ME3: variants seen among roughly 807,000 people sequenced by gnomAD.
ME3 encodes the protein NADP-dependent malic enzyme, mitochondrial.
A neutral mutation model predicts 68.9 loss-of-function variants in ME3; 48 were observed. The observed-to-expected ratio is 0.70, with a 90% CI of 0.55 to 0.89. The LOEUF is 0.89. ME3 is among the 40% of genes least tolerant of loss of function. ME3 has a pLI of 0.00. For synonymous variants in ME3, 320 were observed against 318.8 expected, an observed-to-expected ratio of 1.00 and a Z score of -0.04; for missense variants, 675 against 797.4, an observed-to-expected ratio of 0.85 and a Z score of 1.85.
At chr11:86,654,117 CAAA>C (rs1203402913) in intron 2 of ME3, among the ~76,000 whole-genome samples, 1 of 151,668 alleles carries the variant, frequency 6.6e-6, no homozygotes, top group Non-Finnish European at 1.5e-5. Context: ...GCTTACCAAC[CAAA>C]AAAAATCCAG....
At chr11:86,447,875 AG>A (rs1466998121) in intron 11 of ME3, among the ~76,000 whole-genome samples, 8 of 140,434 alleles carry the variant, frequency 5.7e-5, no homozygotes, top group African/African-American at 1.8e-4. Flanking sequence ...AAAAAAAAAA[AG>A]ACAGAGAGAA....
intron 2 of ME3, among the ~76,000 whole-genome samples, chr11:86,595,383 A>G (rs1318446814): frequency 7.0e-6 from 1 of 143,032 alleles, no homozygotes; most frequent in Non-Finnish European, 1.5e-5. Context: ...TGTAACCATA[A>G]TTGACTTATA....
intron 4 of ME3, among the ~76,000 whole-genome samples, chr11:86,539,932 A>G (rs1301993600): frequency 6.6e-6 from 1 of 152,228 alleles, no homozygotes; most frequent in Non-Finnish European, 1.5e-5. Flanking sequence ...AATGCTGACA[A>G]CACCTCACTA....
intron 2 of ME3, among the ~76,000 whole-genome samples, chr11:86,651,376 G>T (rs188906781): frequency 0.039 from 5,942 of 152,268 alleles, 148 homozygotes; most frequent in Non-Finnish European, 0.059. Flanking sequence ...CACATGGCCG[G>T]GTACTCCTCT....
At chr11:86,539,449 G>A (rs139173695) in intron 4 of ME3, among the ~76,000 whole-genome samples, 1 of 152,238 alleles carries the variant, frequency 6.6e-6, no homozygotes, top group Non-Finnish European at 1.5e-5. Context: ...ATTGTTCTCA[G>A]TTGAGCTGTA....
Position 86,671,642 on chromosome 11 carries a change from A to G in ME3, c.183+120T>C, listed in dbSNP as rs961548300. The G allele has an allele frequency of 4.3e-5, 56 of 1,293,056 alleles. No individual in the cohort carries two copies. In the Admixed American group the frequency reaches 1.3e-3, roughly 30 times the overall value. 80.1% of individuals were successfully genotyped at this position (1,293,056 alleles called of 1,614,324 possible). A position where few individuals can be genotyped will look rare whatever the true frequency, so the allele number is the denominator to read the frequency against. On this transcript the variant is annotated intron_variant, in intron 2 of 14. Transcript: ENST00000543262. Reference sequence around the variant, plus strand: ...GTCACAACAAGCCCCTGCAAGGCAAAAACAGAAAAACCGCTGGAAGGGCGC... The same window carrying G: ...GTCACAACAAGCCCCTGCAAGGCAAGAACAGAAAAACCGCTGGAAGGGCGC...
Position 86,467,975 on chromosome 11 carries a change from C to T in ME3, c.810-2775G>A, listed in dbSNP as rs550022521. On this transcript the variant is annotated intron_variant, in intron 7 of 14. Coordinates refer to ENST00000543262, the Ensembl canonical transcript of ME3. ...CTGGATTCATAGTTCCTAGAACTCA[C>T]CGGATTTAAGGAACCCCAGAACTCC... is the stretch of plus-strand genomic sequence containing the variant. Among the ~76,000 whole-genome samples, 22 of 152,240 alleles carry T rather than the reference C, an allele frequency of 1.4e-4. No individual in the cohort carries two copies. The South Asian group carries it at 4.6e-3, about 32-fold the overall frequency.
chr11:86,479,159 TTC>T (rs1171801712), intron 7 of ME3, among the ~76,000 whole-genome samples: 2 of 152,104 alleles, frequency 1.3e-5, no homozygotes, highest in African/African-American at 4.8e-5. Context: ...GGTGAATTCG[TTC>T]TCTCTTCTGA....
At chr11:86,620,298 T>C (rs1255758950) in intron 2 of ME3, among the ~76,000 whole-genome samples, 1 of 152,196 alleles carries the variant, frequency 6.6e-6, no homozygotes, top group Non-Finnish European at 1.5e-5. Context: ...GTGGGTGAAG[T>C]CCTTTGGGCA....
At chr11:86,506,887 C>T (rs1325361283) in intron 5 of ME3, among the ~76,000 whole-genome samples, 1 of 152,212 alleles carries the variant, frequency 6.6e-6, no homozygotes, top group African/African-American at 2.4e-5. Flanking sequence ...TAGATTCATG[C>T]TAGACATGCT....
chr11:86,565,200 T>TA (rs967122489), intron 2 of ME3, among the ~76,000 whole-genome samples: 1 of 151,290 alleles, frequency 6.6e-6, no homozygotes, highest in Non-Finnish European at 1.5e-5. Context: ...CACGTACACA[T>TA]ACACACACAC....
chr11:86,440,926 C>G (rs552525407), downstream of ME3, among the ~76,000 whole-genome samples: 1 of 152,168 alleles, frequency 6.6e-6, no homozygotes, highest in Non-Finnish European at 1.5e-5. Flanking sequence ...ACCACTTTCT[C>G]CCTTATGGCA....
At chr11:86,603,892 C>G (rs1285834447) in intron 2 of ME3, among the ~76,000 whole-genome samples, 1 of 130,218 alleles carries the variant, frequency 7.7e-6, no homozygotes, top group African/African-American at 3.0e-5. Context: ...GGGAATTGAA[C>G]AATGAGAACA....
At chr11:86,544,907 C>T (rs114945903) in intron 4 of ME3, among the ~76,000 whole-genome samples, 1,849 of 152,258 alleles carry the variant, frequency 0.012, 46 homozygotes, top group African/African-American at 0.042. Context: ...CAAAAATCCT[C>T]ATCCCTTTCG....
intron 2 of ME3, among the ~76,000 whole-genome samples, chr11:86,614,649 A>C (rs920503688): frequency 2.6e-5 from 4 of 152,142 alleles, no homozygotes; most frequent in African/African-American, 7.2e-5. Flanking sequence ...TTTTAGCAAC[A>C]GGCACCAACC....
At chr11:86,548,225 G>A (rs936995546) in intron 4 of ME3, among the ~76,000 whole-genome samples, 6 of 152,180 alleles carry the variant, frequency 3.9e-5, no homozygotes, top group Non-Finnish European at 7.4e-5. Flanking sequence ...AAAAAAGTAA[G>A]CCAGTTCCCT....
At chr11:86,573,414 T>C (rs2511084) in intron 2 of ME3, among the ~76,000 whole-genome samples, 1 of 145,232 alleles carries the variant, frequency 6.9e-6, no homozygotes, top group East Asian at 2.1e-4. Flanking sequence ...TAGTTTTGGG[T>C]TTTACATTTT....
intron 7 of ME3, among the ~76,000 whole-genome samples, chr11:86,475,868 T>TAG (rs1280724738): frequency 0.01 from 1,139 of 109,534 alleles, 6 homozygotes; most frequent in Non-Finnish European, 0.012. Flanking sequence ...TATATATATA[T>TAG]ATATATAGAG....
chr11:86,548,922 C>G (rs1395266098), intron 4 of ME3, among the ~76,000 whole-genome samples: 1 of 152,242 alleles, frequency 6.6e-6, no homozygotes, highest in Non-Finnish European at 1.5e-5. Context: ...TTGCAGTGAG[C>G]TGCCTTTCAC....
Sources: allele counts gnomAD v4.1 joint callset (sites outside exome capture counted in the v4.1 genomes callset), GRCh38; gene constraint gnomAD v4.1.1; transcripts MANE v1.5; gene names NCBI Gene and HGNC (gene_info 2026-07-23, HGNC 2026-07-21).